SGCZ: variants seen among roughly 807,000 people sequenced by gnomAD.
The protein encoded by SGCZ is sarcoglycan zeta.
In SGCZ, 40 loss-of-function variants were observed where a neutral mutation model predicts 41.3. That is an observed-to-expected ratio of 0.97 (90% CI 0.75 to 1.26). SGCZ has a LOEUF of 1.26. SGCZ is among the 50% of genes most tolerant of loss of function. The probability of loss-of-function intolerance (pLI) is 0.00; values close to 1 mark genes in which losing one functional copy is unlikely to be tolerated. For synonymous variants in SGCZ, 206 were observed against 137.5 expected, an observed-to-expected ratio of 1.50 and a Z score of -3.49; for missense variants, 552 against 369.8, an observed-to-expected ratio of 1.49 and a Z score of -4.04.
chr8:14,500,789 A>G (rs1179173595), intron 2 of SGCZ, among the ~76,000 whole-genome samples: 1 of 152,082 alleles, frequency 6.6e-6, no homozygotes, highest in East Asian at 1.9e-4. Flanking sequence ...CTAGACAGGA[A>G]ATTGTGGTAT....
intron 1 of SGCZ, among the ~76,000 whole-genome samples, chr8:14,685,715 A>T (rs1397299553): frequency 6.6e-6 from 1 of 152,118 alleles, no homozygotes; most frequent in Non-Finnish European, 1.5e-5. Flanking sequence ...ATATAAAGCT[A>T]GTTTTTATGC....
chr8:14,191,126 G>T (rs1333652075), intron 4 of SGCZ, among the ~76,000 whole-genome samples: 1 of 152,068 alleles, frequency 6.6e-6, no homozygotes, highest in African/African-American at 2.4e-5. Flanking sequence ...ATATGTATGA[G>T]TCATTTTTAT....
At chr8:14,126,853 A>T (rs1448325746) in intron 5 of SGCZ, among the ~76,000 whole-genome samples, 1 of 152,138 alleles carries the variant, frequency 6.6e-6, no homozygotes, top group Non-Finnish European at 1.5e-5. Flanking sequence ...ATGAAGCTGT[A>T]AGCCATCATC....
At chr8:14,865,088 T>C (rs1803880160) in intron 1 of SGCZ, among the ~76,000 whole-genome samples, 2 of 152,098 alleles carry the variant, frequency 1.3e-5, no homozygotes, top group South Asian at 2.1e-4. Flanking sequence ...ATATTCATAA[T>C]ATATAATTAT....
intron 1 of SGCZ, among the ~76,000 whole-genome samples, chr8:14,806,450 C>A (rs1801533413): frequency 6.6e-6 from 1 of 151,786 alleles, no homozygotes; most frequent in African/African-American, 2.4e-5. Flanking sequence ...ATACTACAAA[C>A]ACCTCTACGC....
At chr8:14,983,765 C>A (rs1801745304) in intron 1 of SGCZ, among the ~76,000 whole-genome samples, 1 of 152,156 alleles carries the variant, frequency 6.6e-6, no homozygotes, top group Non-Finnish European at 1.5e-5. Flanking sequence ...AGACAAGTAG[C>A]AAAGGAGGGT....
intron 1 of SGCZ, among the ~76,000 whole-genome samples, chr8:14,596,097 T>C (rs991562951): frequency 1.3e-5 from 2 of 152,232 alleles, no homozygotes; most frequent in African/African-American, 4.8e-5. Context: ...CCAGACAGGT[T>C]GTGGTCTTTA....
At chr8:14,875,858 G>T (rs1345991680) in intron 1 of SGCZ, among the ~76,000 whole-genome samples, 1 of 152,120 alleles carries the variant, frequency 6.6e-6, no homozygotes, top group Non-Finnish European at 1.5e-5. Context: ...GTTGAAAAAT[G>T]GGGATAACAT....
intron 1 of SGCZ, among the ~76,000 whole-genome samples, chr8:15,061,260 G>A (rs1352484721): frequency 7.0e-6 from 1 of 142,658 alleles, no homozygotes; most frequent in Non-Finnish European, 1.6e-5. Flanking sequence ...TACAAATAGG[G>A]CTTAAGACAA....
At chr8:14,118,641 C>A (rs1055846197) in intron 5 of SGCZ, among the ~76,000 whole-genome samples, 4 of 152,150 alleles carry the variant, frequency 2.6e-5, no homozygotes, top group African/African-American at 9.7e-5. Context: ...TTGCCCACAC[C>A]TATGTCCTGA....
rs1005854544 is a variant in SGCZ at position 14,424,787 on chromosome 8, G to C, written c.235-100583C>G. 5.9e-5 allele frequency among the ~76,000 whole-genome samples: 9 copies of C among 152,212 alleles called. No homozygotes were observed. The South Asian group carries it at 1.0e-3, about 18-fold the overall frequency. ...ATGAAAGACAATAAGCTTTTCAAAT[G>C]TTTGCTAACTCTTCCTTCATTTATC... On this transcript the variant is annotated intron_variant, in intron 2 of 7. Coordinates refer to ENST00000382080, the MANE Select transcript of SGCZ (RefSeq NM_139167.4).
At chr8:14,525,143 C>CATAGATAGATAG (rs35838178) in intron 2 of SGCZ, among the ~76,000 whole-genome samples, 1 of 142,654 alleles carries the variant, frequency 7.0e-6, no homozygotes, top group Admixed American at 6.8e-5. Flanking sequence ...TAGATAGACA[C>CATAGATAGATAG]ATAGATAGAT....
At chr8:14,648,921 C>T (rs1345882552) in intron 1 of SGCZ, among the ~76,000 whole-genome samples, 1 of 152,064 alleles carries the variant, frequency 6.6e-6, no homozygotes, top group East Asian at 1.9e-4. Flanking sequence ...TAAATTGTGT[C>T]TTATCTGGGA....
intron 1 of SGCZ, among the ~76,000 whole-genome samples, chr8:14,910,776 T>G (rs1799259884): frequency 6.6e-6 from 1 of 152,022 alleles, no homozygotes; most frequent in Non-Finnish European, 1.5e-5. Context: ...TGTCATTTTA[T>G]GCCTCATAAT....
At chr8:14,343,010 G>C (rs79983853) in intron 2 of SGCZ, among the ~76,000 whole-genome samples, 1,853 of 152,248 alleles carry the variant, frequency 0.012, 35 homozygotes, top group African/African-American at 0.038. Context: ...GACTGAAAGG[G>C]GCCAAGGTAC....
chr8:15,231,610 C>CTTTTT (rs914572473), intron 1 of SGCZ, among the ~76,000 whole-genome samples: 7 of 72,100 alleles, frequency 9.7e-5, no homozygotes, highest in Non-Finnish European at 1.4e-4. Flanking sequence ...TTAATATATT[C>CTTTTT]TTTTTTTTTT....
chr8:14,782,717 A>C (rs1800628643), intron 1 of SGCZ, among the ~76,000 whole-genome samples: 2 of 145,778 alleles, frequency 1.4e-5, no homozygotes, highest in African/African-American at 2.4e-5. Flanking sequence ...ATAACCACAG[A>C]AACAAACAAG....
intron 1 of SGCZ, among the ~76,000 whole-genome samples, chr8:14,645,478 T>TTATATATATATATATATATATATATATA (rs1046258520): frequency 4.7e-5 from 5 of 106,610 alleles, no homozygotes; most frequent in East Asian, 6.6e-4. Context: ...ATATATATAT[T>TTATATATATATATATATATATATATATA]TATATGTATA....
chr8:14,981,169 T>A (rs933673841), intron 1 of SGCZ, among the ~76,000 whole-genome samples: 3 of 152,230 alleles, frequency 2.0e-5, no homozygotes, highest in African/African-American at 7.2e-5. Context: ...TGTGAAACCC[T>A]TCTATCCTTG....
Sources: gnomAD v4.1 joint callset for allele counts (sites outside exome capture counted in the v4.1 genomes callset) on GRCh38, gnomAD v4.1.1 for gene constraint, MANE v1.5 for transcripts, NCBI Gene and HGNC (gene_info 2026-07-23, HGNC 2026-07-21) for gene names.